Variants in ALK observed in about 807,000 individuals in gnomAD.
ALK encodes the protein ALK receptor tyrosine kinase, also known as ALK tyrosine kinase receptor.
Under a neutral mutation model 163.1 loss-of-function variants are expected in ALK, and 74 were observed. That is an observed-to-expected ratio of 0.45 (90% CI 0.38 to 0.55). The LOEUF is 0.55. ALK is among the 20% of genes least tolerant of loss of function. ALK has a pLI of 0.00. For missense variants in ALK, 2,063 were observed against 2,105.3 expected (o/e 0.98, Z 0.39); for synonymous variants, 960 against 843.2 (o/e 1.14, Z -2.40).
chr2:29,887,435 C>T (rs577179128), intron 1 of ALK, among the ~76,000 whole-genome samples: 12 of 152,296 alleles, frequency 7.9e-5, no homozygotes, highest in East Asian at 3.9e-4. Flanking sequence ...GAAAGCTGCA[C>T]GACCTTTTCT....
intron 27 of ALK, 75 bp downstream of exon 27, chr2:29,197,467 A>G (rs1669050734): frequency 6.2e-7 from 1 of 1,601,416 alleles, no homozygotes; most frequent in Non-Finnish European, 8.5e-7. Context: ...TTAAAGAAGC[A>G]TATGTGGCTC....
chr2:29,636,255 C>T (rs1676525003), intron 3 of ALK, among the ~76,000 whole-genome samples: 1 of 151,608 alleles, frequency 6.6e-6, no homozygotes, highest in Non-Finnish European at 1.5e-5. Flanking sequence ...ACAAAAACAG[C>T]TCAATAGAGG....
intron 4 of ALK, among the ~76,000 whole-genome samples, chr2:29,499,724 C>T (rs1327215817): frequency 6.6e-6 from 1 of 152,048 alleles, no homozygotes; most frequent in Non-Finnish European, 1.5e-5. Flanking sequence ...TTTTCACCAC[C>T]GTGAACCACC....
At chr2:29,532,381 C>T (rs540180421) in intron 3 of ALK, among the ~76,000 whole-genome samples, 1 of 152,186 alleles carries the variant, frequency 6.6e-6, no homozygotes, top group Non-Finnish European at 1.5e-5. Flanking sequence ...CTACTTCCTA[C>T]TTCTGTGTCC....
At chr2:29,492,052 T>C (rs1445551215) in intron 4 of ALK, among the ~76,000 whole-genome samples, 1 of 152,158 alleles carries the variant, frequency 6.6e-6, no homozygotes, top group African/African-American at 2.4e-5. Flanking sequence ...GTAAATGAAA[T>C]ATCTATCTAG....
intron 24 of ALK, among the ~76,000 whole-genome samples, chr2:29,213,036 G>A (rs1669505757): frequency 1.3e-5 from 2 of 152,118 alleles, no homozygotes; most frequent in Non-Finnish European, 2.9e-5. Flanking sequence ...TTTCTCTTTT[G>A]TACTTACATA....
chr2:29,916,047 G>T (rs2148440344), intron 1 of ALK, among the ~76,000 whole-genome samples: 1 of 152,312 alleles, frequency 6.6e-6, no homozygotes, highest in East Asian at 1.9e-4. Flanking sequence ...AAAAGGTTCT[G>T]ATTCCTTCTG....
chr2:29,813,614 G>A (rs1302915109), intron 1 of ALK, among the ~76,000 whole-genome samples: 2 of 152,200 alleles, frequency 1.3e-5, no homozygotes, highest in Non-Finnish European at 1.5e-5. Context: ...GGATATGGGT[G>A]TCTGTTTCTT....
intron 23 of ALK, 131 bp downstream of exon 23, chr2:29,220,575 C>T (rs1396250149): frequency 1.5e-6 from 2 of 1,295,468 alleles, no homozygotes; most frequent in East Asian, 2.5e-5. Context: ...AGTCACCCCC[C>T]TGTCCAAGCC....
intron 11 of ALK, 42 bp downstream of exon 11, chr2:29,275,057 A>G (rs1290475264): frequency 1.9e-6 from 3 of 1,613,492 alleles, no homozygotes; most frequent in South Asian, 1.1e-5. Flanking sequence ...GCCTTTTGCA[A>G]CAAGAAGTTA....
intron 4 of ALK, among the ~76,000 whole-genome samples, chr2:29,499,264 T>G (rs1672108007): frequency 6.6e-6 from 1 of 152,048 alleles, no homozygotes; most frequent in Non-Finnish European, 1.5e-5. Flanking sequence ...TGGTGTGGTC[T>G]CGGCTCACTG....
chr2:29,221,794 A>C (rs1457413723), intron 22 of ALK, among the ~76,000 whole-genome samples: 1 of 152,168 alleles, frequency 6.6e-6, no homozygotes, highest in Non-Finnish European at 1.5e-5. Flanking sequence ...TCTTGAGGTC[A>C]AATATCTGCC....
chr2:29,524,279 T>G (rs1276169124), intron 4 of ALK, among the ~76,000 whole-genome samples: 3 of 152,234 alleles, frequency 2.0e-5, no homozygotes, highest in Non-Finnish European at 4.4e-5. Flanking sequence ...GTCTCCATCT[T>G]CAAGACTTGT....
At chr2:29,351,513 A>C (rs1668111081) in intron 5 of ALK, among the ~76,000 whole-genome samples, 2 of 152,082 alleles carry the variant, frequency 1.3e-5, no homozygotes, top group Non-Finnish European at 2.9e-5. Context: ...TCTGAACCAG[A>C]CCATGCCCAC....
In ALK at chr2:29,246,430, G is replaced by A. The variant is rs1251553815; in HGVS notation, c.2204+4675C>T. ...CCCCAGCACAAACCCCATAATCCAC[G>A]TTCTTCTCATGGCACTGCAGTGGCC... On this transcript the variant is annotated intron_variant, in intron 12 of 28. Coordinates refer to ENST00000389048, the MANE Select transcript of ALK (RefSeq NM_004304.5). This position sits in a 1 kb window ranked among gnomAD's most constrained non-coding sequence, Gnocchi z 4.3. Among the ~76,000 whole-genome samples the A allele has an allele frequency of 6.6e-6, 1 of 152,066 alleles. No homozygotes were observed. The highest frequency in any genetic ancestry group is 1.5e-5 in the Non-Finnish European group (1 of 68,004).
intron 1 of ALK, among the ~76,000 whole-genome samples, chr2:29,891,882 G>C (rs921778298): frequency 1.3e-5 from 2 of 152,184 alleles, no homozygotes; most frequent in Non-Finnish European, 2.9e-5. Flanking sequence ...TACAATGCTA[G>C]CATCAAGAGA....
At chr2:29,690,215 T>A (rs140117484) in intron 3 of ALK, among the ~76,000 whole-genome samples, 84 of 152,250 alleles carry the variant, frequency 5.5e-4, no homozygotes, top group African/African-American at 1.8e-3. Context: ...TGTTTCACCA[T>A]CTTTTGAAAA....
intron 4 of ALK, among the ~76,000 whole-genome samples, chr2:29,391,886 C>T (rs1024671907): frequency 1.3e-5 from 2 of 152,300 alleles, no homozygotes; most frequent in African/African-American, 4.8e-5. Flanking sequence ...GGCCAGCTAC[C>T]TAACCTAACC....
intron 15 of ALK, among the ~76,000 whole-genome samples, chr2:29,231,877 A>T (rs1011253027): frequency 3.3e-5 from 5 of 152,248 alleles, no homozygotes; most frequent in Admixed American, 1.3e-4. Flanking sequence ...TCCAGCGGGG[A>T]TACGCTTGGG....
Sources: gnomAD v4.1 joint callset for allele counts (sites outside exome capture counted in the v4.1 genomes callset) on GRCh38, gnomAD v4.1.1 for gene constraint, Gnocchi (gnomAD v3.1) non-coding constraint, MANE v1.5 for transcripts, NCBI Gene and HGNC (gene_info 2026-07-23, HGNC 2026-07-21) for gene names.